PPP2R5E: variants seen among roughly 807,000 people sequenced by gnomAD.
PPP2R5E encodes the protein protein phosphatase 2 regulatory subunit B'epsilon.
Under a neutral mutation model 65.3 loss-of-function variants are expected in PPP2R5E, and 4 were observed. The ratio of observed to expected loss-of-function variants is 0.06; its 90% CI spans 0.03 to 0.14. The LOEUF is 0.14. Among genes scored for constraint, PPP2R5E ranks in the 10% least tolerant of loss-of-function variants. The pLI, the probability that PPP2R5E is intolerant of heterozygous loss-of-function variation, is 1.00. For synonymous variants in PPP2R5E, 183 were observed against 187.4 expected (o/e 0.98, Z 0.19); for missense variants, 274 against 556.1 (o/e 0.49, Z 5.10).
chr14:63,393,743 G>T, intron 8 of PPP2R5E, 77 bp downstream of exon 8: 1 of 994,102 alleles, frequency 1.0e-6, no homozygotes, highest in Non-Finnish European at 1.5e-6. Context: ...CAAAATGAAG[G>T]TTATATCAAT....
intron 6 of PPP2R5E, among the ~76,000 whole-genome samples, chr14:63,396,120 G>A (rs1342764764): frequency 1.4e-5 from 1 of 71,926 alleles, no homozygotes; most frequent in African/African-American, 6.0e-5. Flanking sequence ...GGAGGAGAGC[G>A]GGGAGGAGAG....
intron 2 of PPP2R5E, among the ~76,000 whole-genome samples, chr14:63,469,794 A>G (rs1466826828): frequency 6.6e-6 from 1 of 152,352 alleles, no homozygotes; most frequent in African/African-American, 2.4e-5. Context: ...TAGGTCCTTC[A>G]TTATATCCTC....
chr14:63,529,534 T>G (rs574046360), intron 2 of PPP2R5E, among the ~76,000 whole-genome samples: 6 of 151,934 alleles, frequency 3.9e-5, no homozygotes, highest in South Asian at 4.2e-4. Flanking sequence ...CTAGTTTTTT[T>G]TTGTTGTTTT....
rs200719135 is a variant in PPP2R5E at position 63,485,196 on chromosome 14, TAA to T, written c.158-31313_158-31312del. On this transcript the variant is annotated intron_variant, in intron 2 of 13. Coordinates refer to ENST00000337537, the MANE Select transcript of PPP2R5E (RefSeq NM_006246.5). ...AAGAACTGCTACTGCTATACTCATTTAAAAAAAAAAAAAAAAAAAACATACTG... is the reference window on the plus strand; with the variant it reads ...AAGAACTGCTACTGCTATACTCATTTAAAAAAAAAAAAAAAAAACATACTG... 9.2e-3 allele frequency among the ~76,000 whole-genome samples: 1,158 copies of T among 126,340 alleles called. 17 individuals are homozygous for T. The highest frequency in any genetic ancestry group is 0.032 in the African/African-American group (1,069 of 33,256). 82.9% of individuals were successfully genotyped at this position (126,340 alleles called of 152,430 possible). A position where few individuals can be genotyped will look rare whatever the true frequency, so the allele number is the denominator to read the frequency against.
intron 3 of PPP2R5E, among the ~76,000 whole-genome samples, chr14:63,438,236 C>G (rs1432163446): frequency 6.6e-6 from 1 of 152,220 alleles, no homozygotes; most frequent in African/African-American, 2.4e-5. Flanking sequence ...TCATCATGCA[C>G]CACTGTGGTG....
intron 2 of PPP2R5E, among the ~76,000 whole-genome samples, chr14:63,491,312 A>C (rs1043365068): frequency 6.6e-6 from 1 of 152,098 alleles, no homozygotes; most frequent in African/African-American, 2.4e-5. Flanking sequence ...TTCGAAACCA[A>C]ACCTCAGCAT....
intron 2 of PPP2R5E, among the ~76,000 whole-genome samples, chr14:63,474,887 C>A (rs1440744391): frequency 6.6e-6 from 1 of 152,060 alleles, no homozygotes; most frequent in Admixed American, 6.6e-5. Context: ...CCAACACTTA[C>A]AAGTTGAGTA....
intron 12 of PPP2R5E, among the ~76,000 whole-genome samples, chr14:63,382,423 C>T (rs1163311677): frequency 9.9e-5 from 14 of 141,868 alleles, no homozygotes; most frequent in Non-Finnish European, 1.2e-4. Flanking sequence ...TTTTTTGCAA[C>T]GGAGTTTCGC....
At chr14:63,420,701 A>G (rs1460281543) in intron 4 of PPP2R5E, among the ~76,000 whole-genome samples, 3 of 151,784 alleles carry the variant, frequency 2.0e-5, no homozygotes, top group South Asian at 2.1e-4. Flanking sequence ...GGGGGGAAAA[A>G]CTCTTAGAAT....
chr14:63,539,437 G>A (rs1250657214), intron 2 of PPP2R5E, 92 bp downstream of exon 2: 50 of 1,356,074 alleles, frequency 3.7e-5, no homozygotes, highest in Non-Finnish European at 3.4e-5. Flanking sequence ...CCTTCAATTT[G>A]CAACACATAT....
chr14:63,379,990 G>A (rs753278775), intron 13 of PPP2R5E, among the ~76,000 whole-genome samples: 2 of 151,276 alleles, frequency 1.3e-5, no homozygotes, highest in Admixed American at 1.3e-4. Context: ...GCATGCCACC[G>A]TGCCTGGCTA....
At chr14:63,481,679 C>T (rs1425523755) in intron 2 of PPP2R5E, among the ~76,000 whole-genome samples, 1 of 151,818 alleles carries the variant, frequency 6.6e-6, no homozygotes, top group Non-Finnish European at 1.5e-5. Flanking sequence ...AATGTAATAC[C>T]TTTATATTAG....
At chr14:63,437,614 G>C (rs974147076) in intron 3 of PPP2R5E, among the ~76,000 whole-genome samples, 1 of 151,932 alleles carries the variant, frequency 6.6e-6, no homozygotes, top group African/African-American at 2.4e-5. Context: ...AAATGAAGTG[G>C]CCTGCCTTAT....
intron 5 of PPP2R5E, among the ~76,000 whole-genome samples, chr14:63,406,518 G>A (rs887516234): frequency 6.6e-6 from 1 of 152,030 alleles, no homozygotes; most frequent in Non-Finnish European, 1.5e-5. Context: ...AGCAATACTT[G>A]GCTCACTTAC....
intron 3 of PPP2R5E, chr14:63,453,349 G>A (rs985905293): frequency 1.8e-5 from 3 of 168,156 alleles, no homozygotes; most frequent in East Asian, 1.6e-4. Context: ...CATCCAACAG[G>A]CTTGAATATT....
Position 63,453,604 on chromosome 14 carries a change from A to G in PPP2R5E, c.354+85T>C, listed in dbSNP as rs758596627. The G allele has an allele frequency of 1.8e-5, 24 of 1,360,640 alleles. No individual in the cohort carries two copies. The East Asian group carries it at 5.1e-4, about 29-fold the overall frequency. The allele number at this position is 1,360,640 out of a possible 1,614,324, so 84.3% of individuals were successfully genotyped here. Reference sequence around the variant, plus strand: ...GCTCTCATTTGTGGAGTTGACCTCCAATGACCTCACTCTTGCAATATATAC... The same window carrying G: ...GCTCTCATTTGTGGAGTTGACCTCCGATGACCTCACTCTTGCAATATATAC... On this transcript the variant is annotated intron_variant, in intron 3 of 13. Coordinates refer to ENST00000337537, the MANE Select transcript of PPP2R5E (RefSeq NM_006246.5).
intron 2 of PPP2R5E, among the ~76,000 whole-genome samples, chr14:63,523,478 G>A (rs1893054122): frequency 6.6e-6 from 1 of 152,038 alleles, no homozygotes; most frequent in South Asian, 2.1e-4. Flanking sequence ...GGCGGTGCAA[G>A]ATGTGCTTTG....
intron 5 of PPP2R5E, among the ~76,000 whole-genome samples, chr14:63,412,593 A>G (rs1886453330): frequency 6.6e-6 from 1 of 152,248 alleles, no homozygotes; most frequent in South Asian, 2.1e-4. Flanking sequence ...CTCGGTCTAG[A>G]GGAGAAAATG....
At chr14:63,437,370 A>G (rs1384421298) in intron 3 of PPP2R5E, among the ~76,000 whole-genome samples, 4 of 152,080 alleles carry the variant, frequency 2.6e-5, no homozygotes, top group African/African-American at 9.7e-5. Flanking sequence ...ACTTTACTCT[A>G]TGGACTCACC....
Sources: gnomAD v4.1 joint callset for allele counts (sites outside exome capture counted in the v4.1 genomes callset) on GRCh38, gnomAD v4.1.1 for gene constraint, MANE v1.5 for transcripts, NCBI Gene and HGNC (gene_info 2026-07-23, HGNC 2026-07-21) for gene names.